The following VPS13A variants were observed in gnomAD, a reference collection of about 807,000 sequenced individuals.
VPS13A encodes the protein intermembrane lipid transfer protein VPS13A.
Under a neutral mutation model 390.9 loss-of-function variants are expected in VPS13A, and 264 were observed. The ratio of observed to expected loss-of-function variants is 0.68; its 90% CI spans 0.61 to 0.75. VPS13A has a LOEUF of 0.75. Ranked by LOEUF, VPS13A falls within the 30% of genes least tolerant of loss-of-function variation. VPS13A has a pLI of 0.00. For missense variants in VPS13A, 3,409 were observed against 3,733.9 expected (o/e 0.91, Z 2.27); for synonymous variants, 1,231 against 1,227.1 (o/e 1.00, Z -0.07).
At chr9:77,339,484 A>T (rs1830699603) in intron 47 of VPS13A, 32 bp from the exon 48 acceptor site, 2 of 1,397,200 alleles carry the variant, frequency 1.4e-6, no homozygotes, top group Non-Finnish European at 9.7e-7. Context: ...AACATTTTAA[A>T]TTTTGTTTTG....
rs1179080429 is a variant in VPS13A at position 77,420,983 on chromosome 9, CT to C, written c.*4979del. ...AAACTATTAGGAATGGTATCTGGAA[CT>C]TGTTACAAGGTCAGATAAACTGTTA... On this transcript the variant is annotated 3_prime_UTR_variant, in exon 72 of 72. Coordinates refer to ENST00000360280, the MANE Select transcript of VPS13A (RefSeq NM_033305.3). 1 of 152,160 alleles carries C rather than the reference CT, an allele frequency of 6.6e-6. No individual in the cohort carries two copies. The highest frequency in any genetic ancestry group is 1.5e-5 in the Non-Finnish European group (1 of 68,034). The allele number at this position is 152,160 out of a possible 1,614,324, so 9.4% of individuals were successfully genotyped here.
chr9:77,317,457 A>G (rs1213213841), intron 39 of VPS13A, 149 bp from the exon 40 acceptor site: 10 of 533,966 alleles, frequency 1.9e-5, no homozygotes, highest in Admixed American at 6.3e-5. Flanking sequence ...TTTATATGGG[A>G]TAATTAAGGA....
chr9:77,386,649 A>T (rs1453145043), intron 68 of VPS13A, among the ~76,000 whole-genome samples: 2 of 151,854 alleles, frequency 1.3e-5, no homozygotes, highest in Non-Finnish European at 2.9e-5. Flanking sequence ...GTGGTCTTAG[A>T]GTTTCATCAT....
At chr9:77,212,904 AT>A in intron 7 of VPS13A, 64 bp from the exon 8 acceptor site, 1 of 1,535,318 alleles carries the variant, frequency 6.5e-7, no homozygotes, top group Non-Finnish European at 9.0e-7. Context: ...GTAGATAATG[AT>A]TTATTACTCT....
intron 17 of VPS13A, among the ~76,000 whole-genome samples, chr9:77,235,309 G>A (rs1030046592): frequency 1.3e-5 from 2 of 152,058 alleles, no homozygotes; most frequent in African/African-American, 4.8e-5. Flanking sequence ...GGATAGTTTT[G>A]TCATATATAG....
intron 52 of VPS13A, among the ~76,000 whole-genome samples, chr9:77,347,965 A>G (rs1831245579): frequency 6.6e-6 from 1 of 152,130 alleles, no homozygotes; most frequent in Non-Finnish European, 1.5e-5. Flanking sequence ...TTAAAAAATC[A>G]AGAAACAACA....
intron 68 of VPS13A, among the ~76,000 whole-genome samples, chr9:77,395,296 T>C (rs1185328057): frequency 1.3e-5 from 2 of 152,086 alleles, no homozygotes; most frequent in African/African-American, 4.8e-5. Context: ...ATAGGGAGGC[T>C]CAAGGAGAGG....
chr9:77,254,178 C>T (rs182774191), intron 22 of VPS13A, among the ~76,000 whole-genome samples: 2,358 of 151,700 alleles, frequency 0.016, 56 homozygotes, highest in African/African-American at 0.049. Flanking sequence ...CTCCTGACCT[C>T]GTGATCCGCC....
intron 22 of VPS13A, among the ~76,000 whole-genome samples, chr9:77,255,093 G>T (rs76518743): frequency 0.018 from 2,688 of 152,192 alleles, 42 homozygotes; most frequent in Middle Eastern, 0.034. Context: ...AAAGCTTTCA[G>T]TATTTCACCA....
intron 31 of VPS13A, among the ~76,000 whole-genome samples, chr9:77,287,807 T>G (rs570653352): frequency 1.8e-4 from 27 of 152,258 alleles, no homozygotes; most frequent in African/African-American, 5.3e-4. Context: ...TCTGGGAGGT[T>G]TTAGGGCCCT....
intron 13 of VPS13A, among the ~76,000 whole-genome samples, chr9:77,225,493 G>C (rs577891375): frequency 6.6e-6 from 1 of 152,128 alleles, no homozygotes; most frequent in Admixed American, 6.6e-5. Flanking sequence ...TGATTCGCCT[G>C]CCTCAGCCTC....
intron 46 of VPS13A, among the ~76,000 whole-genome samples, chr9:77,334,017 CTG>C (rs1830414878): frequency 6.6e-6 from 1 of 152,046 alleles, no homozygotes; most frequent in African/African-American, 2.4e-5. Flanking sequence ...TTGCCAAAAA[CTG>C]TGGAAAACAT....
At chr9:77,323,004 A>G (rs1829829590) in intron 44 of VPS13A, 63 bp from the exon 45 acceptor site, 17 of 1,270,872 alleles carry the variant, frequency 1.3e-5, no homozygotes, top group Middle Eastern at 2.3e-4. Context: ...AATATGTAAC[A>G]TATGTAAAAT....
intron 54 of VPS13A, among the ~76,000 whole-genome samples, chr9:77,355,480 T>G (rs1367963459): frequency 6.6e-6 from 1 of 152,186 alleles, no homozygotes; most frequent in African/African-American, 2.4e-5. Flanking sequence ...CCTTTTCTCT[T>G]GTGGATTTCA....
chr9:77,292,322 CCTCT>C (rs1329034234), intron 31 of VPS13A, among the ~76,000 whole-genome samples: 1 of 152,154 alleles, frequency 6.6e-6, no homozygotes, highest in East Asian at 1.9e-4. Context: ...ATCTCTTTCT[CCTCT>C]CTACCACAAG....
At chr9:77,413,759 A>G (rs1835049456) in intron 71 of VPS13A, among the ~76,000 whole-genome samples, 1 of 152,148 alleles carries the variant, frequency 6.6e-6, no homozygotes, top group Admixed American at 6.5e-5. Flanking sequence ...ATTAAACTAA[A>G]GAGAGCTTCT....
chr9:77,323,752 A>G (rs1829867407), intron 45 of VPS13A, among the ~76,000 whole-genome samples: 1 of 152,136 alleles, frequency 6.6e-6, no homozygotes, highest in African/African-American at 2.4e-5. Context: ...CTCATTGTAC[A>G]TTAGTTATAT....
At position 77,282,146 on chromosome 9, in the gene VPS13A, A is replaced by G. The variant is rs146520981; in HGVS notation, c.2990A>G (p.His997Arg). Residue 997 changes from histidine (H) to arginine (R), a missense_variant, in exon 29 of 72, where the codon CAT becomes CGT. His to Arg is a conservative substitution (Grantham distance 29, BLOSUM62 0). This residue lies in a region of VPS13A where 2,717 missense variants were observed against 2,917.4 expected (regional missense o/e 0.93). Transcript: ENST00000360280. ...IKVNFSSLDIHLHTEALLNTI... is the reference protein window; with the variant it reads ...IKVNFSSLDIRLHTEALLNTI... ...GTAAATTTTTCCTCTTTGGATATTC[A>G]TTTACACACTGAAGCACTTCTGAAT... is the stretch of plus-strand genomic sequence containing the variant. The G allele has an allele frequency of 6.2e-7, 1 of 1,613,264 alleles. No homozygotes were observed. The highest frequency in any genetic ancestry group is 1.3e-5 in the African/African-American group (1 of 74,998).
intron 35 of VPS13A, among the ~76,000 whole-genome samples, chr9:77,311,337 A>G (rs1042014078): frequency 1.3e-5 from 2 of 152,198 alleles, no homozygotes; most frequent in African/African-American, 4.8e-5. Flanking sequence ...ATACTATACC[A>G]TTAATTGCTA....
Sources: gnomAD v4.1 joint callset for allele counts (sites outside exome capture counted in the v4.1 genomes callset) on GRCh38, gnomAD v4.1.1 for gene constraint, gnomAD v4.1.1 regional missense constraint, MANE v1.5 for transcripts, NCBI Gene and HGNC (gene_info 2026-07-23, HGNC 2026-07-21) for gene names.